The following MACROD2 variants were observed in gnomAD, a reference collection of about 807,000 sequenced individuals.
MACROD2 encodes the protein mono-ADP ribosylhydrolase 2, also known as ADP-ribose glycohydrolase MACROD2.
MACROD2 carries 36 observed loss-of-function variants against 70.4 expected under a neutral mutation model. That is an observed-to-expected ratio of 0.51 (90% CI 0.39 to 0.68). MACROD2 has a LOEUF of 0.68. MACROD2 is among the 30% of genes least tolerant of loss of function. The pLI, the probability that MACROD2 is intolerant of heterozygous loss-of-function variation, is 0.00. For missense variants in MACROD2, 496 were observed against 538.4 expected (o/e 0.92, Z 0.78); for synonymous variants, 172 against 178.8 (o/e 0.96, Z 0.30).
chr20:14,351,680 A>G (rs2083124498), intron 3 of MACROD2, among the ~76,000 whole-genome samples: 2 of 152,178 alleles, frequency 1.3e-5, no homozygotes, highest in South Asian at 4.1e-4. Flanking sequence ...TATCATCTGC[A>G]AATAAGGAAA....
intron 5 of MACROD2, among the ~76,000 whole-genome samples, chr20:15,106,078 A>G (rs2075908663): frequency 6.6e-6 from 1 of 152,178 alleles, no homozygotes; most frequent in South Asian, 2.1e-4. Flanking sequence ...TGCACCCCAT[A>G]AATACATACA....
intron 5 of MACROD2, among the ~76,000 whole-genome samples, chr20:14,781,391 G>A (rs1184810701): frequency 2.0e-5 from 3 of 150,878 alleles, no homozygotes; most frequent in African/African-American, 4.9e-5. Flanking sequence ...GCTCTGGTCC[G>A]TTTTCATTTG....
At chr20:15,575,279 A>G (rs2048430682) in intron 8 of MACROD2, among the ~76,000 whole-genome samples, 1 of 152,208 alleles carries the variant, frequency 6.6e-6, no homozygotes, top group African/African-American at 2.4e-5. Context: ...ATGCATTTGA[A>G]GCTGTCTGAT....
chr20:15,168,417 C>T (rs952031383), intron 5 of MACROD2, among the ~76,000 whole-genome samples: 3 of 150,728 alleles, frequency 2.0e-5, no homozygotes, highest in South Asian at 2.1e-4. Context: ...AGCTAAAAGC[C>T]TCTTCCTCTC....
chr20:15,195,125 A>C (rs2076596969), intron 5 of MACROD2, among the ~76,000 whole-genome samples: 1 of 152,216 alleles, frequency 6.6e-6, no homozygotes, highest in Non-Finnish European at 1.5e-5. Context: ...CAAAACTGTG[A>C]AATCCCTAGA....
chr20:15,281,238 A>C (rs531711853), intron 6 of MACROD2, among the ~76,000 whole-genome samples: 2 of 149,212 alleles, frequency 1.3e-5, no homozygotes, highest in African/African-American at 4.8e-5. Context: ...CAAAGAGCCA[A>C]ACCATATTAT....
chr20:14,862,488 TATATATATAA>T (rs1461476426), intron 5 of MACROD2, among the ~76,000 whole-genome samples: 2 of 12,296 alleles, frequency 1.6e-4, no homozygotes, highest in African/African-American at 3.4e-4. Context: ...TATATATAAA[TATATATATAA>T]ATATATATAA....
intron 3 of MACROD2, among the ~76,000 whole-genome samples, chr20:14,099,871 T>C (rs935706866): frequency 6.6e-6 from 1 of 152,160 alleles, no homozygotes; most frequent in African/African-American, 2.4e-5. Flanking sequence ...CTGGTAATAT[T>C]TTCATTAATT....
chr20:14,711,456 C>T (rs750664626), intron 5 of MACROD2, among the ~76,000 whole-genome samples: 2 of 152,026 alleles, frequency 1.3e-5, no homozygotes, highest in African/African-American at 2.4e-5. Flanking sequence ...TTTAAGCAAC[C>T]CATTTATTTT....
At chr20:15,781,033 T>A (rs2147038066) in intron 8 of MACROD2, among the ~76,000 whole-genome samples, 1 of 152,308 alleles carries the variant, frequency 6.6e-6, no homozygotes, top group South Asian at 2.1e-4. Context: ...AGATTCAGCA[T>A]GCTTAATAAA....
chr20:14,475,569 A>AT lies in MACROD2; in HGVS notation c.272-17899dup, dbSNP rs550704242. On this transcript the variant is annotated intron_variant, in intron 3 of 17. Transcript: ENST00000684519. Reference sequence around the variant, plus strand: ...TTCAGTTTGAGGGACTCCCTTTAGCATTTTTTTTTTTAAGAACAGGTCTGA... The same window carrying AT: ...TTCAGTTTGAGGGACTCCCTTTAGCATTTTTTTTTTTTAAGAACAGGTCTGA... Among the ~76,000 whole-genome samples the AT allele has an allele frequency of 2.4e-3, 344 of 145,402 alleles. 3 individuals are homozygous for AT. The highest frequency in any genetic ancestry group is 7.1e-3 in the African/African-American group (282 of 39,816).
At chr20:15,664,064 T>C (rs2049862221) in intron 8 of MACROD2, among the ~76,000 whole-genome samples, 1 of 152,236 alleles carries the variant, frequency 6.6e-6, no homozygotes, top group African/African-American at 2.4e-5. Context: ...TGATAAATCA[T>C]GAGTGTGATG....
At chr20:14,823,779 T>G (rs1022649738) in intron 5 of MACROD2, among the ~76,000 whole-genome samples, 1 of 151,048 alleles carries the variant, frequency 6.6e-6, no homozygotes, top group Non-Finnish European at 1.5e-5. Flanking sequence ...TGGCTTTTTT[T>G]GTTTGTTTGT....
chr20:15,206,953 G>C (rs915267416), intron 5 of MACROD2, among the ~76,000 whole-genome samples: 2 of 150,300 alleles, frequency 1.3e-5, no homozygotes, highest in African/African-American at 4.9e-5. Context: ...AGCCAGGATG[G>C]CCTCGATCTC....
chr20:15,624,101 T>C (rs924546386), intron 8 of MACROD2, among the ~76,000 whole-genome samples: 2 of 152,098 alleles, frequency 1.3e-5, no homozygotes, highest in African/African-American at 4.8e-5. Context: ...GGCCAAAGGC[T>C]CGAGAGCCCC....
chr20:14,351,703 C>T (rs2083124697), intron 3 of MACROD2, among the ~76,000 whole-genome samples: 2 of 152,144 alleles, frequency 1.3e-5, no homozygotes, highest in African/African-American at 4.8e-5. Context: ...TTGTCTTCTT[C>T]CTTTCCAATT....
chr20:14,777,938 G>C (rs953200672), intron 5 of MACROD2, among the ~76,000 whole-genome samples: 1 of 151,952 alleles, frequency 6.6e-6, no homozygotes, highest in Non-Finnish European at 1.5e-5. Flanking sequence ...GGAAAGTCAC[G>C]CTAAAACCAC....
chr20:14,625,859 A>G (rs1025864625), intron 4 of MACROD2, among the ~76,000 whole-genome samples: 22 of 152,016 alleles, frequency 1.4e-4, no homozygotes, highest in Admixed American at 1.1e-3. Context: ...GTCTCACTCT[A>G]TCGCCCAGGC....
intron 7 of MACROD2, among the ~76,000 whole-genome samples, chr20:15,477,939 T>A (rs1042159276): frequency 2.0e-5 from 3 of 152,086 alleles, no homozygotes; most frequent in African/African-American, 7.2e-5. Context: ...GATGTTGCAG[T>A]GACGTGAGGA....
Sources: gnomAD v4.1 joint callset for allele counts (sites outside exome capture counted in the v4.1 genomes callset) on GRCh38, gnomAD v4.1.1 for gene constraint, MANE v1.5 for transcripts, NCBI Gene and HGNC (gene_info 2026-07-23, HGNC 2026-07-21) for gene names.